UVRAG: variants seen among roughly 807,000 people sequenced by gnomAD.
UVRAG encodes the protein UV radiation resistance-associated gene protein.
A neutral mutation model predicts 78.0 loss-of-function variants in UVRAG; 19 were observed. That is an observed-to-expected ratio of 0.24 (90% confidence interval 0.17 to 0.36). The LOEUF (loss-of-function observed/expected upper bound fraction) is 0.36, where lower values mean the gene tolerates loss of function less well. Ranked by LOEUF, UVRAG falls within the 10% of genes least tolerant of loss-of-function variation. The probability of loss-of-function intolerance (pLI) is 1.00; values close to 1 mark genes in which losing one functional copy is unlikely to be tolerated. For synonymous variants in UVRAG, 323 were observed against 324.6 expected (o/e 1.00, Z 0.05); for missense variants, 740 against 853.8 (o/e 0.87, Z 1.66).
chr11:76,040,205 A>G (rs528351940), intron 12 of UVRAG, among the ~76,000 whole-genome samples: 4 of 152,250 alleles, frequency 2.6e-5, no homozygotes, highest in African/African-American at 9.6e-5. Flanking sequence ...AAATAACAGC[A>G]CTAGATCTGC....
Position 75,861,778 on chromosome 11 carries a change from T to A in UVRAG, c.268T>A (p.Leu90Met), listed in dbSNP as rs770214281. 1.2e-6 allele frequency: 2 copies of A among 1,606,868 alleles called. No homozygotes were observed. Among genetic ancestry groups the A allele is most frequent in the Middle Eastern group, 1.6e-4 (1 of 6,064 alleles). The change falls in exon 3 of 15, where the codon TTG becomes ATG. Residue 90 changes from leucine to methionine, a missense_variant and splice_region_variant. Leu to Met is a conservative substitution (Grantham distance 15). Coordinates refer to ENST00000356136, the MANE Select transcript of UVRAG (RefSeq NM_003369.4). Reference sequence around the variant, plus strand: ...TAGAAGTGAAGTGATTAAGAATTCCTTGGTAAGTTTGCTTTCTGACGGGTA... The same window carrying A: ...TAGAAGTGAAGTGATTAAGAATTCCATGGTAAGTTTGCTTTCTGACGGGTA... ...FYRSEVIKNS[L>M]NPTWRSLDFG...
chr11:76,130,350 T>A (rs1952492185), intron 14 of UVRAG, among the ~76,000 whole-genome samples: 1 of 152,192 alleles, frequency 6.6e-6, no homozygotes, highest in African/African-American at 2.4e-5. Context: ...GACAATAAAT[T>A]CCATTAAAAC....
intron 3 of UVRAG, among the ~76,000 whole-genome samples, chr11:75,874,654 C>A (rs948508580): frequency 5.3e-5 from 8 of 152,064 alleles, no homozygotes; most frequent in African/African-American, 1.7e-4. Flanking sequence ...TTCTCTATGC[C>A]CTTTTTATCT....
At chr11:76,033,408 TTTATC>T (rs1466589278) in intron 12 of UVRAG, among the ~76,000 whole-genome samples, 1 of 152,176 alleles carries the variant, frequency 6.6e-6, no homozygotes, top group African/African-American at 2.4e-5. Context: ...TCTAGTTGAA[TTTATC>T]TTATATTATT....
At chr11:76,032,066 G>C (rs1950447489) in intron 12 of UVRAG, among the ~76,000 whole-genome samples, 1 of 152,154 alleles carries the variant, frequency 6.6e-6, no homozygotes, top group Non-Finnish European at 1.5e-5. Flanking sequence ...TCAAGCCAGA[G>C]AGTTTGCAGT....
chr11:76,031,718 G>A (rs1300094321), intron 12 of UVRAG, among the ~76,000 whole-genome samples: 2 of 152,146 alleles, frequency 1.3e-5, no homozygotes, highest in African/African-American at 4.8e-5. Context: ...TGCTTGCAGG[G>A]GCTGGGGGGA....
intron 6 of UVRAG, among the ~76,000 whole-genome samples, chr11:75,950,355 ACT>A (rs1948667150): frequency 6.6e-6 from 1 of 152,124 alleles, no homozygotes; most frequent in African/African-American, 2.4e-5. Flanking sequence ...AAGCTCCTGA[ACT>A]CAAGGGATTC....
intron 8 of UVRAG, among the ~76,000 whole-genome samples, chr11:75,991,762 T>C (rs889875710): frequency 4.6e-5 from 7 of 152,120 alleles, no homozygotes; most frequent in Non-Finnish European, 1.0e-4. Flanking sequence ...CTGTTTCTGG[T>C]TGTATATTTG....
intron 6 of UVRAG, among the ~76,000 whole-genome samples, chr11:75,936,956 A>C (rs113022406): frequency 6.6e-6 from 1 of 152,052 alleles, no homozygotes; most frequent in South Asian, 2.1e-4. Context: ...GGGTCTTGCT[A>C]TGTTGCCCAG....
intron 1 of UVRAG, among the ~76,000 whole-genome samples, chr11:75,831,392 G>A (rs1189808026): frequency 1.3e-5 from 2 of 152,140 alleles, no homozygotes; most frequent in Non-Finnish European, 2.9e-5. Flanking sequence ...GGAGGCCGAG[G>A]CAGGAGAATC....
chr11:75,910,587 G>A (rs1004140246), intron 5 of UVRAG, among the ~76,000 whole-genome samples: 3 of 146,362 alleles, frequency 2.0e-5, no homozygotes, highest in Non-Finnish European at 4.5e-5. Context: ...TCAGGCTGGA[G>A]TGCAGTGGTG....
intron 6 of UVRAG, among the ~76,000 whole-genome samples, chr11:75,949,607 A>G (rs1471788113): frequency 3.3e-5 from 5 of 151,240 alleles, no homozygotes; most frequent in African/African-American, 1.2e-4. Flanking sequence ...AAATAGCATC[A>G]CCATTTTTTC....
chr11:76,141,232 C>T lies in UVRAG; in HGVS notation c.1919C>T (p.Ala640Val), dbSNP rs757013884. Residue 640 changes from alanine (A) to valine (V), a missense_variant, in exon 15 of 15, where the codon GCC (alanine) becomes GTC (valine). Transcript: ENST00000356136. ...EQAEEIIGLEATGFASGDQLE... is the reference protein window; with the variant it reads ...EQAEEIIGLEVTGFASGDQLE... Reference sequence around the variant, plus strand: ...GCAGAAGAAATCATCGGGCTGGAAGCCACAGGTTTCGCCTCAGGTGATCAG... The same window carrying T: ...GCAGAAGAAATCATCGGGCTGGAAGTCACAGGTTTCGCCTCAGGTGATCAG... The T allele has an allele frequency of 6.2e-7, 1 of 1,614,054 alleles. No individual in the cohort carries two copies. The highest frequency in any genetic ancestry group is 1.3e-5 in the African/African-American group (1 of 74,920).
At chr11:75,938,616 T>C (rs549175889) in intron 6 of UVRAG, among the ~76,000 whole-genome samples, 11 of 152,330 alleles carry the variant, frequency 7.2e-5, no homozygotes, top group Admixed American at 7.2e-4. Context: ...CTGAGTACTT[T>C]ATTGCGTGGC....
chr11:75,971,708 T>G (rs1318831766), intron 7 of UVRAG, among the ~76,000 whole-genome samples: 1 of 152,094 alleles, frequency 6.6e-6, no homozygotes, highest in East Asian at 1.9e-4. Context: ...TTTTTGGAGA[T>G]AGAGTCTCGC....
chr11:75,893,785 G>A (rs1314473017), intron 5 of UVRAG, among the ~76,000 whole-genome samples: 1 of 150,900 alleles, frequency 6.6e-6, no homozygotes, highest in African/African-American at 2.4e-5. Context: ...TGAGGCTGCA[G>A]TGAGCTGTGA....
At chr11:75,844,015 C>T (rs1442494473) in intron 1 of UVRAG, among the ~76,000 whole-genome samples, 3 of 151,470 alleles carry the variant, frequency 2.0e-5, no homozygotes, top group African/African-American at 4.9e-5. Flanking sequence ...TTTCGTTAGC[C>T]CTAATTGGAT....
intron 12 of UVRAG, among the ~76,000 whole-genome samples, chr11:76,047,382 G>C (rs1019302410): frequency 6.6e-6 from 1 of 152,160 alleles, no homozygotes; most frequent in Non-Finnish European, 1.5e-5. Flanking sequence ...TGACTTCTCT[G>C]CCTCTCCTAG....
intron 12 of UVRAG, among the ~76,000 whole-genome samples, chr11:76,027,201 A>G (rs1462804894): frequency 6.6e-6 from 1 of 152,168 alleles, no homozygotes; most frequent in Non-Finnish European, 1.5e-5. Flanking sequence ...TAAAGCAAAC[A>G]TATAGGAGAT....
Sources: allele counts gnomAD v4.1 joint callset (sites outside exome capture counted in the v4.1 genomes callset), GRCh38; gene constraint gnomAD v4.1.1; transcripts MANE v1.5; gene names NCBI Gene and HGNC (gene_info 2026-07-23, HGNC 2026-07-21).